Variants in MFF observed in about 807,000 individuals in gnomAD.
The protein encoded by MFF is chromosome 2 open reading frame 33.
A neutral mutation model predicts 36.9 loss-of-function variants in MFF; 12 were observed. That is an observed-to-expected ratio of 0.33 (90% CI 0.21 to 0.53). MFF has a LOEUF of 0.53. Ranked by LOEUF, MFF falls within the 20% of genes least tolerant of loss-of-function variation. The pLI is 0.95. For missense variants in MFF, 348 were observed against 366.6 expected, an observed-to-expected ratio of 0.95 and a Z score of 0.42; for synonymous variants, 99 against 126.2, an observed-to-expected ratio of 0.78 and a Z score of 1.44.
chr2:227,345,326 G>T (rs780005644), intron 5 of MFF, among the ~76,000 whole-genome samples: 2 of 151,994 alleles, frequency 1.3e-5, no homozygotes, highest in African/African-American at 2.4e-5. Context: ...CATTCATACT[G>T]TTGCCCCAAG....
intron 4 of MFF, among the ~76,000 whole-genome samples, chr2:227,339,938 A>C (rs1159086531): frequency 6.6e-6 from 1 of 152,240 alleles, no homozygotes; most frequent in African/African-American, 2.4e-5. Context: ...ATGTGCCTGT[A>C]AACACTTTTA....
chr2:227,335,526 T>TA (rs2074932607), intron 4 of MFF, among the ~76,000 whole-genome samples: 1 of 152,088 alleles, frequency 6.6e-6, no homozygotes, highest in African/African-American at 2.4e-5. Context: ...TGTTTTAAAA[T>TA]AAAAAAGAAA....
intron 7 of MFF, among the ~76,000 whole-genome samples, chr2:227,354,485 C>T (rs2076163453): frequency 6.6e-6 from 1 of 151,988 alleles, no homozygotes; most frequent in Admixed American, 6.6e-5. Context: ...CTAAAATAAC[C>T]ATTTAGGGTA....
intron 1 of MFF, chr2:227,325,809 C>G (rs2074061388): frequency 6.6e-6 from 1 of 152,266 alleles, no homozygotes. Context: ...TTCACTCATC[C>G]TTCCCTGCCA....
chr2:227,337,508 G>A (rs2075095636), intron 4 of MFF, among the ~76,000 whole-genome samples: 2 of 152,208 alleles, frequency 1.3e-5, no homozygotes, highest in South Asian at 4.1e-4. Context: ...AAAAAACCTA[G>A]AGGACATTTA....
intron 4 of MFF, among the ~76,000 whole-genome samples, chr2:227,333,083 CAG>C (rs1267839291): frequency 1.3e-5 from 2 of 152,198 alleles, no homozygotes; most frequent in Non-Finnish European, 2.9e-5. Context: ...GTGTTAGTAA[CAG>C]AGTTCGAATC....
intron 2 of MFF, chr2:227,329,053 A>G (rs1035275671): frequency 2.6e-5 from 4 of 152,330 alleles, no homozygotes; most frequent in Admixed American, 1.3e-4. Context: ...TGGTAAAGTC[A>G]TGTATACTGT....
At chr2:227,350,611 AT>A (rs1391592798) in intron 6 of MFF, among the ~76,000 whole-genome samples, 3 of 152,150 alleles carry the variant, frequency 2.0e-5, no homozygotes, top group Non-Finnish European at 4.4e-5. Flanking sequence ...TTTGTTATTT[AT>A]AATTTTTCTC....
intron 7 of MFF, among the ~76,000 whole-genome samples, chr2:227,354,789 T>C (rs1417027865): frequency 6.6e-6 from 1 of 152,190 alleles, no homozygotes; most frequent in Non-Finnish European, 1.5e-5. Flanking sequence ...TGGAGCTAAA[T>C]GTAGTGGTAA....
intron 2 of MFF, chr2:227,329,548 T>C (rs2074416133): frequency 1.9e-6 from 1 of 531,734 alleles, no homozygotes; most frequent in African/African-American, 2.0e-5. Context: ...CTTTTATTCA[T>C]AGTTTTCTTA....
chr2:227,346,327 A>G lies in MFF; in HGVS notation c.441-899A>G, dbSNP rs984659313. ...CACTGTCGTAGTCTGTATGTCAGTT[A>G]AATACCTCACAATAGATAATCATAC... On this transcript the variant is annotated intron_variant, in intron 5 of 8. Transcript: ENST00000304593. 1.1e-4 allele frequency: 19 copies of G among 167,080 alleles called. No homozygotes were observed. In the Admixed American group the frequency reaches 1.2e-3, roughly 10 times the overall value. 10.3% of individuals were successfully genotyped at this position (167,080 alleles called of 1,614,324 possible). A position where few individuals can be genotyped will look rare whatever the true frequency, so the allele number is the denominator to read the frequency against.
intron 6 of MFF, among the ~76,000 whole-genome samples, chr2:227,348,894 C>T (rs4316935): frequency 0.88 from 133,932 of 152,080 alleles, 59,619 homozygotes; most frequent in Non-Finnish European, 0.95. Flanking sequence ...ATCTTTCAAA[C>T]GATATTGCAT....
At chr2:227,356,948 T>A (rs755148380) in intron 8 of MFF, 38 bp from the exon 9 acceptor site, 5 of 1,536,370 alleles carry the variant, frequency 3.3e-6, no homozygotes, top group Non-Finnish European at 4.5e-6. Flanking sequence ...CATTAAAGCC[T>A]CTATATTATA....
rs28365988 is a variant in MFF, at chr2:227,325,269, C to A, written c.-311C>A. ...GGCTCCCAGAAGGGGCCAGCCCGCG[C>A]CTTTCGCGCTTCTGCCCTGGCCCTC... On this transcript the variant is annotated 5_prime_UTR_variant, in exon 1 of 9. Coordinates refer to ENST00000304593, the MANE Select transcript of MFF (RefSeq NM_001277062.2). The A allele has an allele frequency of 0.11, 17,463 of 152,898 alleles. 1,076 individuals are homozygous for A. Among genetic ancestry groups the A allele is most frequent in the Non-Finnish European group, 0.15 (10,118 of 68,350 alleles). 9.5% of individuals were successfully genotyped at this position (152,898 alleles called of 1,614,324 possible). A position where few individuals can be genotyped will look rare whatever the true frequency, so the allele number is the denominator to read the frequency against.
At chr2:227,341,551 T>G (rs557757109) in intron 5 of MFF, among the ~76,000 whole-genome samples, 6 of 152,212 alleles carry the variant, frequency 3.9e-5, no homozygotes, top group Admixed American at 1.3e-4. Flanking sequence ...ATTAGTAATA[T>G]AAAATTTTTT....
intron 3 of MFF, among the ~76,000 whole-genome samples, chr2:227,331,969 T>A (rs1424049152): frequency 1.6e-5 from 2 of 124,430 alleles, no homozygotes; most frequent in African/African-American, 3.3e-5. Context: ...ATTTTTTTTT[T>A]TTTTTTTTTT....
At position 227,352,276 on chromosome 2, in the gene MFF, G is replaced by A. The variant is rs73997104; in HGVS notation, c.600-238G>A. The A allele has an allele frequency of 0.14, 58,214 of 410,310 alleles. 4,429 individuals are homozygous for A. The highest frequency in any genetic ancestry group is 0.21 in the African/African-American group (10,507 of 49,068). 25.4% of individuals were successfully genotyped at this position (410,310 alleles called of 1,614,324 possible). ...TTTTATATGTTGGTGCTGTTTTGTC[G>A]TGTAAATATAGATTCCCTTTGTTTC... On this transcript the variant is annotated intron_variant, in intron 6 of 8. Transcript: ENST00000304593.
Position 227,357,809 on chromosome 2 carries a change from A to G in MFF, c.*692A>G, listed in dbSNP as rs2076325700. The G allele has an allele frequency of 6.6e-6, 1 of 152,240 alleles. No homozygotes were observed. Among genetic ancestry groups the G allele is most frequent in the Non-Finnish European group, 1.5e-5 (1 of 68,042 alleles). 9.4% of individuals were successfully genotyped at this position (152,240 alleles called of 1,614,324 possible). A position where few individuals can be genotyped will look rare whatever the true frequency, so the allele number is the denominator to read the frequency against. On this transcript the variant is annotated 3_prime_UTR_variant, in exon 9 of 9. Coordinates refer to ENST00000304593, the MANE Select transcript of MFF (RefSeq NM_001277062.2). ...ACAGAATAAGGTACAAATGTAGTGT[A>G]TTTAATAAACTGTCAACCAAAGAAG...
At chr2:227,332,058 G>A (rs1190158589) in intron 3 of MFF, among the ~76,000 whole-genome samples, 7 of 127,640 alleles carry the variant, frequency 5.5e-5, no homozygotes, top group Admixed American at 9.7e-5. Context: ...TGCAAGCTCC[G>A]CCTCCCGGGT....
Sources: allele counts gnomAD v4.1 joint callset (sites outside exome capture counted in the v4.1 genomes callset), GRCh38; gene constraint gnomAD v4.1.1; transcripts MANE v1.5; gene names NCBI Gene and HGNC (gene_info 2026-07-23, HGNC 2026-07-21).